Variants in OTOGL observed in about 807,000 individuals in gnomAD.
OTOGL encodes the protein otogelin like.
OTOGL carries 285 observed loss-of-function variants against 318.5 expected under a neutral mutation model. The ratio of observed to expected loss-of-function variants is 0.89; its 90% confidence interval spans 0.81 to 0.99. The LOEUF (loss-of-function observed/expected upper bound fraction) is 0.99. Ranked by LOEUF, OTOGL falls within the 50% of genes least tolerant of loss-of-function variation. OTOGL has a pLI of 0.00. For missense variants in OTOGL, 2,899 were observed against 2,845.6 expected (o/e 1.02, Z -0.43); for synonymous variants, 987 against 936.5 (o/e 1.05, Z -0.99).
At chr12:80,116,642 T>A (rs1403393274) in intron 1 of OTOGL, among the ~76,000 whole-genome samples, 1 of 152,096 alleles carries the variant, frequency 6.6e-6, no homozygotes, top group Non-Finnish European at 1.5e-5. Context: ...TTAGATGAAA[T>A]TTTTTATTAG....
intron 1 of OTOGL, among the ~76,000 whole-genome samples, chr12:80,187,017 T>C (rs1223662466): frequency 1.3e-5 from 2 of 152,166 alleles, no homozygotes; most frequent in Admixed American, 1.3e-4. Flanking sequence ...AGAAAGAAGA[T>C]AAAATTCTGT....
intron 1 of OTOGL, among the ~76,000 whole-genome samples, chr12:80,204,374 A>G (rs1454012104): frequency 6.6e-6 from 1 of 152,058 alleles, no homozygotes; most frequent in Non-Finnish European, 1.5e-5. Context: ...CTGATTTGGA[A>G]CCTTGGTGTT....
At chr12:80,258,882 G>T (rs1882290615) in intron 18 of OTOGL, among the ~76,000 whole-genome samples, 1 of 151,938 alleles carries the variant, frequency 6.6e-6, no homozygotes, top group Non-Finnish European at 1.5e-5. Context: ...CATAAGCTTG[G>T]GAGATGTTTT....
At chr12:80,183,717 C>T (rs142656894) in intron 1 of OTOGL, among the ~76,000 whole-genome samples, 269 of 152,232 alleles carry the variant, frequency 1.8e-3, no homozygotes, top group Admixed American at 4.3e-3. Context: ...CACCATCCTA[C>T]CAAATAGGTT....
intron 52 of OTOGL, among the ~76,000 whole-genome samples, chr12:80,365,192 A>C (rs1890454628): frequency 1.3e-5 from 2 of 152,084 alleles, no homozygotes; most frequent in East Asian, 3.9e-4. Flanking sequence ...TCCACATAAA[A>C]ACTTATACTC....
chr12:80,148,252 G>C (rs1872541824), intron 1 of OTOGL, among the ~76,000 whole-genome samples: 1 of 145,436 alleles, frequency 6.9e-6, no homozygotes, highest in Non-Finnish European at 1.5e-5. Flanking sequence ...AGGTCCGGTG[G>C]TGACAAAATC....
At chr12:80,373,690 T>C (rs1478350590) in intron 57 of OTOGL, among the ~76,000 whole-genome samples, 1 of 150,944 alleles carries the variant, frequency 6.6e-6, no homozygotes, top group Non-Finnish European at 1.5e-5. Flanking sequence ...TAATATGTAA[T>C]ATATTATAAT....
intron 37 of OTOGL, among the ~76,000 whole-genome samples, chr12:80,332,242 C>T (rs1238174453): frequency 6.6e-6 from 1 of 152,122 alleles, no homozygotes; most frequent in Non-Finnish European, 1.5e-5. Context: ...AGCTCCAAAA[C>T]AGCTAATACA....
intron 37 of OTOGL, among the ~76,000 whole-genome samples, 164 bp downstream of exon 37, chr12:80,329,283 A>G (rs1036715973): frequency 6.6e-6 from 1 of 152,170 alleles, no homozygotes; most frequent in African/African-American, 2.4e-5. Context: ...TTGGCTCAAC[A>G]TGCCATGTTT....
At chr12:80,153,693 T>C (rs183112163) in intron 1 of OTOGL, among the ~76,000 whole-genome samples, 2 of 152,334 alleles carry the variant, frequency 1.3e-5, no homozygotes, top group Admixed American at 1.3e-4. Context: ...AAATCCTCTG[T>C]GCTCCGCCTC....
intron 11 of OTOGL, among the ~76,000 whole-genome samples, chr12:80,244,211 G>A (rs1250583794): frequency 1.4e-5 from 2 of 146,304 alleles, no homozygotes; most frequent in Non-Finnish European, 3.0e-5. Context: ...GGGTACATGT[G>A]CACATTGTGC....
At chr12:80,282,122 C>T (rs1408047157) in intron 26 of OTOGL, among the ~76,000 whole-genome samples, 2 of 151,758 alleles carry the variant, frequency 1.3e-5, no homozygotes, top group African/African-American at 2.4e-5. Flanking sequence ...TTACTGATCA[C>T]AGATTTACAT....
At position 80,353,525 on chromosome 12, in the gene OTOGL, A is replaced by G; in HGVS notation, c.5593+15A>G. The G allele has an allele frequency of 1.3e-6, 2 of 1,487,712 alleles. No individual in the cohort carries two copies. The highest frequency in any genetic ancestry group is 1.4e-5 in the South Asian group (1 of 69,614). 92.2% of individuals were successfully genotyped at this position (1,487,712 alleles called of 1,614,324 possible). A position where few individuals can be genotyped will look rare whatever the true frequency, so the allele number is the denominator to read the frequency against. ...GAAAGAGTGTGGTAAGACACAAAGT[A>G]CAAAATGACTTCTCAGGAATCCGGC... On this transcript the variant is annotated intron_variant, in intron 46 of 58. Coordinates refer to ENST00000547103, the MANE Select transcript of OTOGL (RefSeq NM_001378609.3).
At chr12:80,137,894 G>A (rs974445522) in intron 1 of OTOGL, among the ~76,000 whole-genome samples, 8 of 152,120 alleles carry the variant, frequency 5.3e-5, no homozygotes, top group African/African-American at 1.9e-4. Context: ...GCTCTAACCC[G>A]TGTTTCTGTT....
rs756281163 is a variant in OTOGL at position 80,310,735 on chromosome 12, A to G, written c.3450+8A>G. ...GCTTCTTGTCGCAATGTGGTAAATG[A>G]ATACTTTAATGAACTCTCGAGTTTC... On this transcript the variant is annotated splice_region_variant and intron_variant, in intron 30 of 58. Transcript: ENST00000547103. 5 of 1,528,966 alleles carry G rather than the reference A, an allele frequency of 3.3e-6. No homozygotes were observed. Among genetic ancestry groups the G allele is most frequent in the Non-Finnish European group, 2.7e-6 (3 of 1,115,998 alleles). The allele number at this position is 1,528,966 out of a possible 1,614,324, so 94.7% of individuals were successfully genotyped here.
chr12:80,249,642 G>A (rs1165577989), intron 11 of OTOGL, among the ~76,000 whole-genome samples: 1 of 152,142 alleles, frequency 6.6e-6, no homozygotes, highest in Non-Finnish European at 1.5e-5. Flanking sequence ...TGCCACCATA[G>A]GTGGAGCCTA....
intron 2 of OTOGL, among the ~76,000 whole-genome samples, chr12:80,210,198 A>T (rs1445814767): frequency 6.6e-6 from 1 of 152,066 alleles, no homozygotes; most frequent in African/African-American, 2.4e-5. Context: ...TTACCCTGTT[A>T]CACATTTTTT....
chr12:80,175,897 G>A (rs1874494516), intron 1 of OTOGL, among the ~76,000 whole-genome samples: 1 of 152,190 alleles, frequency 6.6e-6, no homozygotes, highest in African/African-American at 2.4e-5. Context: ...GAAGAATTGA[G>A]GTTGACTTGA....
At chr12:80,157,876 C>T (rs1034436462) in intron 1 of OTOGL, among the ~76,000 whole-genome samples, 10 of 152,024 alleles carry the variant, frequency 6.6e-5, no homozygotes, top group East Asian at 5.8e-4. Flanking sequence ...TCCAGTCACT[C>T]GTGTGACTAA....
Sources: gnomAD v4.1 joint callset for allele counts (sites outside exome capture counted in the v4.1 genomes callset) on GRCh38, gnomAD v4.1.1 for gene constraint, MANE v1.5 for transcripts, NCBI Gene and HGNC (gene_info 2026-07-23, HGNC 2026-07-21) for gene names.